Variants in PTPRK observed in about 807,000 individuals in gnomAD.
PTPRK encodes receptor-type tyrosine-protein phosphatase kappa.
Under a neutral mutation model 178.0 loss-of-function variants are expected in PTPRK, and 75 were observed. That is an observed-to-expected ratio of 0.42 (90% CI 0.35 to 0.51). The LOEUF (loss-of-function observed/expected upper bound fraction) is 0.51. Among genes scored for constraint, PTPRK ranks in the 20% least tolerant of loss-of-function variants. The pLI is 0.02. For missense variants in PTPRK, 1,441 were observed against 1,797.8 expected, an observed-to-expected ratio of 0.80 and a Z score of 3.59; for synonymous variants, 637 against 620.6, an observed-to-expected ratio of 1.03 and a Z score of -0.39.
At chr6:128,451,575 T>A (rs903321697) in intron 1 of PTPRK, among the ~76,000 whole-genome samples, 12 of 152,080 alleles carry the variant, frequency 7.9e-5, no homozygotes, top group African/African-American at 2.7e-4. Flanking sequence ...TCTAATAAGC[T>A]AGAAACTGAA....
At chr6:128,143,089 T>C (rs1796008098) in intron 7 of PTPRK, among the ~76,000 whole-genome samples, 1 of 152,128 alleles carries the variant, frequency 6.6e-6, no homozygotes, top group Non-Finnish European at 1.5e-5. Context: ...ACTTCTCCCC[T>C]TTCTCTTCTA....
chr6:128,029,978 G>A (rs1386509651), intron 13 of PTPRK, among the ~76,000 whole-genome samples: 1 of 152,138 alleles, frequency 6.6e-6, no homozygotes, highest in East Asian at 1.9e-4. Context: ...GAAAGGGAAA[G>A]CAGCTAAGTG....
At chr6:128,153,806 T>C (rs1445017610) in intron 7 of PTPRK, among the ~76,000 whole-genome samples, 1 of 151,966 alleles carries the variant, frequency 6.6e-6, no homozygotes, top group African/African-American at 2.4e-5. Flanking sequence ...TATGGAAAAT[T>C]CGTTCATTCA....
At chr6:128,392,062 C>T (rs1839663167) in intron 2 of PTPRK, among the ~76,000 whole-genome samples, 1 of 152,100 alleles carries the variant, frequency 6.6e-6, no homozygotes, top group Non-Finnish European at 1.5e-5. Context: ...AAAAATGGTC[C>T]TGGAATTATC....
intron 1 of PTPRK, among the ~76,000 whole-genome samples, chr6:128,426,292 C>T (rs369856445): frequency 6.6e-6 from 1 of 152,166 alleles, no homozygotes; most frequent in East Asian, 1.9e-4. Context: ...AATATCAGTT[C>T]ATTTTTAAAG....
Position 127,998,900 on chromosome 6 carries a change from C to G in PTPRK, c.2499G>C (p.Glu833Asp). 1 of 1,502,414 alleles carries G rather than the reference C, an allele frequency of 6.7e-7. No homozygotes were observed. Among genetic ancestry groups the G allele is most frequent in the Non-Finnish European group, 8.9e-7 (1 of 1,118,158 alleles). The allele number at this position is 1,502,414 out of a possible 1,614,324, so 93.1% of individuals were successfully genotyped here. A position where few individuals can be genotyped will look rare whatever the true frequency, so the allele number is the denominator to read the frequency against. ...TGGACTCTGCTGTAGCACTGTGGTT[C>G]TCATCTGGCATTTTTCAGATTTCAG... ...MDQHNFSPRY[E>D]NHSATAESSR... The change falls in exon 16 of 30, where the codon GAG becomes GAC. Residue 833 changes from glutamate (E) to aspartate (D), a missense_variant. Around this residue, in one of 4 missense-constraint regions of PTPRK, gnomAD observed 945 missense variants for 1,080.6 expected, o/e 0.87. Transcript: ENST00000368226.
chr6:128,354,231 G>GGTTTTTT (rs1562341681), intron 2 of PTPRK, among the ~76,000 whole-genome samples: 2 of 49,368 alleles, frequency 4.1e-5, no homozygotes, highest in Non-Finnish European at 6.5e-5. Flanking sequence ...TTTTGTTTAT[G>GGTTTTTT]TTTTTTTTTT....
At chr6:128,032,979 TC>T (rs1196622429) in intron 13 of PTPRK, among the ~76,000 whole-genome samples, 1 of 152,142 alleles carries the variant, frequency 6.6e-6, no homozygotes, top group Non-Finnish European at 1.5e-5. Flanking sequence ...CCAAGCCAGT[TC>T]TAAATTACGT....
intron 7 of PTPRK, among the ~76,000 whole-genome samples, chr6:128,126,643 C>T (rs1001929958): frequency 4.6e-5 from 7 of 152,046 alleles, no homozygotes; most frequent in African/African-American, 1.7e-4. Flanking sequence ...TGCAGCTCCA[C>T]ACTTGGATAA....
chr6:128,315,866 A>G (rs573298113), intron 3 of PTPRK, among the ~76,000 whole-genome samples: 3 of 152,286 alleles, frequency 2.0e-5, no homozygotes, highest in Non-Finnish European at 4.4e-5. Flanking sequence ...TTTTGTTCAC[A>G]TATTATATAC....
At position 128,433,278 on chromosome 6, in the gene PTPRK, C is replaced by A. The variant is rs115503945; in HGVS notation, c.101-35590G>T. ...TCATCCCCGCTTTCCACCCCGCAAC[C>A]CACACACACCCTTCCCAGCCTCTGG... is the stretch of plus-strand genomic sequence containing the variant. On this transcript the variant is annotated intron_variant, in intron 1 of 29. Transcript: ENST00000368226. 5.0e-3 allele frequency among the ~76,000 whole-genome samples: 762 copies of A among 152,042 alleles called. 9 individuals are homozygous for A. Among genetic ancestry groups the A allele is most frequent in the African/African-American group, 0.017 (716 of 41,472 alleles).
At chr6:128,499,402 A>G (rs1855221718) in intron 1 of PTPRK, among the ~76,000 whole-genome samples, 1 of 152,268 alleles carries the variant, frequency 6.6e-6, no homozygotes, top group African/African-American at 2.4e-5. Flanking sequence ...GTGTAGCTCA[A>G]TTTGGAAAAG....
chr6:128,412,065 A>G (rs1292714792), intron 1 of PTPRK, among the ~76,000 whole-genome samples: 1 of 152,240 alleles, frequency 6.6e-6, no homozygotes, highest in Admixed American at 6.5e-5. Context: ...ATTTAAATCC[A>G]TAAAAAATTC....
chr6:128,440,832 T>C (rs764966392), intron 1 of PTPRK, among the ~76,000 whole-genome samples: 1 of 152,158 alleles, frequency 6.6e-6, no homozygotes, highest in Admixed American at 6.5e-5. Context: ...AGTAGTTCCA[T>C]GCTGATGGAC....
intron 2 of PTPRK, among the ~76,000 whole-genome samples, chr6:128,384,576 G>T (rs995887813): frequency 6.6e-6 from 1 of 152,138 alleles, no homozygotes; most frequent in Non-Finnish European, 1.5e-5. Context: ...ACCACCAGTG[G>T]AAAGAGTTTG....
At chr6:128,013,084 CTTATT>C (rs1442175589) in intron 13 of PTPRK, among the ~76,000 whole-genome samples, 1 of 151,354 alleles carries the variant, frequency 6.6e-6, no homozygotes, top group Non-Finnish European at 1.5e-5. Context: ...CTTTTCTAGT[CTTATT>C]TTATGTGACC....
intron 2 of PTPRK, among the ~76,000 whole-genome samples, chr6:128,377,494 T>G (rs1837267177): frequency 6.6e-6 from 1 of 152,152 alleles, no homozygotes; most frequent in Admixed American, 6.6e-5. Context: ...AGATGAGATT[T>G]TGGTGGGGAC....
rs1337238086 is a variant in PTPRK at position 128,005,136 on chromosome 6, T to C, written c.2442A>G (p.Ala814=). 10 of 1,611,420 alleles carry C rather than the reference T, an allele frequency of 6.2e-6. No individual in the cohort carries two copies. Among genetic ancestry groups the C allele is most frequent in the South Asian group, 1.1e-5 (1 of 90,922 alleles). The change falls in exon 15 of 30, where the codon GCA becomes GCG. Residue 814 remains alanine, a synonymous_variant. Coordinates refer to ENST00000368226, the MANE Select transcript of PTPRK (RefSeq NM_002844.4). ...TGAAGGTGATGGAAAGAGGATCTTC[T>C]GCATGCAGAGTGCTCTGATCAGCAT... ...RSYADQSTLH[A]EDPLSITFMD...
At chr6:128,358,529 G>A (rs1256678466) in intron 2 of PTPRK, among the ~76,000 whole-genome samples, 1 of 152,204 alleles carries the variant, frequency 6.6e-6, no homozygotes, top group Non-Finnish European at 1.5e-5. Context: ...AGAAAAACGT[G>A]AAAAGAAGAA....
Sources: gnomAD v4.1 joint callset for allele counts (sites outside exome capture counted in the v4.1 genomes callset) on GRCh38, gnomAD v4.1.1 for gene constraint, gnomAD v4.1.1 regional missense constraint, MANE v1.5 for transcripts, NCBI Gene and HGNC (gene_info 2026-07-23, HGNC 2026-07-21) for gene names.